The following ZBTB20 variants were observed in gnomAD, a reference collection of about 807,000 sequenced individuals.
The protein encoded by ZBTB20 is zinc finger and BTB domain containing 20.
Under a neutral mutation model 56.9 loss-of-function variants are expected in ZBTB20, and 9 were observed. The ratio of observed to expected loss-of-function variants is 0.16; its 90% CI spans 0.10 to 0.28. The LOEUF (loss-of-function observed/expected upper bound fraction) is 0.28. ZBTB20 is among the 10% of genes least tolerant of loss of function. The probability of loss-of-function intolerance (pLI) is 1.00; values close to 1 mark genes in which losing one functional copy is unlikely to be tolerated. For missense variants in ZBTB20, 655 were observed against 1,003.0 expected (o/e 0.65, Z 4.69); for synonymous variants, 417 against 420.7 (o/e 0.99, Z 0.11).
intron 2 of ZBTB20, among the ~76,000 whole-genome samples, chr3:115,022,789 C>T (rs1184423213): frequency 2.0e-5 from 3 of 150,930 alleles, no homozygotes; most frequent in African/African-American, 7.3e-5. Context: ...TTTCTAAAGG[C>T]AGTTTCAAAA....
At chr3:114,675,414 C>T (rs993768121) in intron 6 of ZBTB20, among the ~76,000 whole-genome samples, 27 of 152,028 alleles carry the variant, frequency 1.8e-4, no homozygotes, top group Non-Finnish European at 7.4e-5. Flanking sequence ...ATGGACTAAA[C>T]GTGACAATGC....
At chr3:114,861,995 G>A (rs758383459) in intron 4 of ZBTB20, among the ~76,000 whole-genome samples, 8 of 152,066 alleles carry the variant, frequency 5.3e-5, no homozygotes. Flanking sequence ...ATAACAAAGG[G>A]ACATGATTCT....
chr3:114,345,385 A>G (rs1003402865), intron 11 of ZBTB20, among the ~76,000 whole-genome samples: 1 of 152,236 alleles, frequency 6.6e-6, no homozygotes, highest in Admixed American at 6.5e-5. Flanking sequence ...GCTAAATACC[A>G]GAAGGGATAC....
intron 3 of ZBTB20, among the ~76,000 whole-genome samples, chr3:114,948,803 T>A (rs1458744877): frequency 6.8e-6 from 1 of 146,206 alleles, no homozygotes; most frequent in Non-Finnish European, 1.5e-5. Context: ...AACTATAAAA[T>A]ATTACTGATT....
chr3:114,659,646 C>T (rs528479994), intron 6 of ZBTB20, among the ~76,000 whole-genome samples: 29 of 152,290 alleles, frequency 1.9e-4, no homozygotes, highest in Admixed American at 1.0e-3. Flanking sequence ...TGCCCTCTGG[C>T]TCCCTGCATG....
At chr3:114,613,460 A>G (rs1423478369) in intron 6 of ZBTB20, among the ~76,000 whole-genome samples, 2 of 152,198 alleles carry the variant, frequency 1.3e-5, no homozygotes, top group Non-Finnish European at 2.9e-5. Context: ...CAACAGACCT[A>G]GACTAGACCA....
At chr3:115,119,284 T>C (rs1425401610) in intron 1 of ZBTB20, among the ~76,000 whole-genome samples, 1 of 152,216 alleles carries the variant, frequency 6.6e-6, no homozygotes, top group African/African-American at 2.4e-5. Context: ...ATCTTGGCTT[T>C]ACTTTTAAAT....
chr3:114,761,872 C>A (rs1270766744), intron 5 of ZBTB20, among the ~76,000 whole-genome samples: 1 of 151,770 alleles, frequency 6.6e-6, no homozygotes, highest in Non-Finnish European at 1.5e-5. Flanking sequence ...AAATGATATG[C>A]TTAATGTGCA....
chr3:114,345,903 G>C (rs552143499), intron 11 of ZBTB20, among the ~76,000 whole-genome samples: 4 of 152,240 alleles, frequency 2.6e-5, no homozygotes, highest in African/African-American at 7.2e-5. Flanking sequence ...CTTGATGAAG[G>C]GGGTAGAGGG....
At chr3:114,888,593 A>G (rs2076692990) in intron 4 of ZBTB20, among the ~76,000 whole-genome samples, 1 of 152,174 alleles carries the variant, frequency 6.6e-6, no homozygotes, top group Non-Finnish European at 1.5e-5. Context: ...TTTTTCATCA[A>G]TGGAAATTTA....
intron 5 of ZBTB20, among the ~76,000 whole-genome samples, chr3:114,725,300 CTAACAT>C (rs1326449867): frequency 6.6e-6 from 1 of 152,184 alleles, no homozygotes; most frequent in Non-Finnish European, 1.5e-5. Context: ...CATTTAGCCA[CTAACAT>C]TATCTTCATC....
At chr3:114,452,144 G>T (rs773179705) in intron 7 of ZBTB20, among the ~76,000 whole-genome samples, 22 of 151,854 alleles carry the variant, frequency 1.4e-4, no homozygotes, top group Non-Finnish European at 2.4e-4. Context: ...AGCAACAAAA[G>T]AATTCAGGGA....
At chr3:115,112,804 A>G (rs1008165927) in intron 1 of ZBTB20, among the ~76,000 whole-genome samples, 10 of 152,054 alleles carry the variant, frequency 6.6e-5, no homozygotes, top group African/African-American at 2.4e-4. Context: ...TTTCTTTTTG[A>G]GGGGGATACT....
intron 6 of ZBTB20, among the ~76,000 whole-genome samples, chr3:114,643,396 C>T (rs186363937): frequency 7.2e-5 from 11 of 152,112 alleles, no homozygotes; most frequent in African/African-American, 2.4e-4. Flanking sequence ...GATGAAAATC[C>T]CTTTCTTGTA....
chr3:114,456,471 G>A (rs973474144), intron 7 of ZBTB20, among the ~76,000 whole-genome samples: 2 of 151,996 alleles, frequency 1.3e-5, no homozygotes, highest in African/African-American at 4.8e-5. Flanking sequence ...CATACACCTC[G>A]TTTCTAAAAT....
intron 5 of ZBTB20, among the ~76,000 whole-genome samples, chr3:114,777,950 A>T (rs1265359904): frequency 6.6e-6 from 1 of 151,804 alleles, no homozygotes; most frequent in Non-Finnish European, 1.5e-5. Flanking sequence ...TTGTAGGGAC[A>T]TGGATGAAGC....
At chr3:114,477,135 T>C (rs1268306423) in intron 7 of ZBTB20, among the ~76,000 whole-genome samples, 1 of 152,182 alleles carries the variant, frequency 6.6e-6, no homozygotes, top group Non-Finnish European at 1.5e-5. Flanking sequence ...TAAAGAAACA[T>C]CACATATAAA....
chr3:114,380,683 G>T, intron 9 of ZBTB20, 94 bp downstream of exon 9: 1 of 1,425,892 alleles, frequency 7.0e-7, no homozygotes, highest in South Asian at 1.6e-5. Context: ...TAGACAGCTT[G>T]AGCTACGTAT....
At chr3:114,705,791 A>G (rs897541197) in intron 5 of ZBTB20, among the ~76,000 whole-genome samples, 2 of 152,228 alleles carry the variant, frequency 1.3e-5, no homozygotes, top group Non-Finnish European at 2.9e-5. Context: ...CCCAGAACCC[A>G]GCACTGGGAG....
Sources: allele counts gnomAD v4.1 joint callset (sites outside exome capture counted in the v4.1 genomes callset), GRCh38; gene constraint gnomAD v4.1.1; transcripts MANE v1.5; gene names NCBI Gene and HGNC (gene_info 2026-07-23, HGNC 2026-07-21).